Variants in CNTN5 observed in about 807,000 individuals in gnomAD.
The protein encoded by CNTN5 is contactin-5.
A neutral mutation model predicts 129.1 loss-of-function variants in CNTN5; 77 were observed. The ratio of observed to expected loss-of-function variants is 0.60; its 90% confidence interval spans 0.50 to 0.72. The LOEUF is 0.72. CNTN5 is among the 30% of genes least tolerant of loss of function. The pLI, the probability that CNTN5 is intolerant of heterozygous loss-of-function variation, is 0.00. For synonymous variants in CNTN5, 509 were observed against 465.6 expected, an observed-to-expected ratio of 1.09 and a Z score of -1.20; for missense variants, 1,478 against 1,328.8, an observed-to-expected ratio of 1.11 and a Z score of -1.75.
At chr11:100,203,797 C>T (rs937089972) in intron 15 of CNTN5, among the ~76,000 whole-genome samples, 20 of 133,056 alleles carry the variant, frequency 1.5e-4, no homozygotes, top group African/African-American at 3.5e-4. Context: ...TAAATGTGCA[C>T]GTACACACAC....
intron 3 of CNTN5, among the ~76,000 whole-genome samples, chr11:99,593,697 C>T (rs1472450161): frequency 6.6e-6 from 1 of 152,176 alleles, no homozygotes; most frequent in Non-Finnish European, 1.5e-5. Flanking sequence ...TTCTTCCCAT[C>T]AACAAAATCC....
intron 1 of CNTN5, among the ~76,000 whole-genome samples, chr11:99,243,235 T>C (rs1253215570): frequency 1.3e-5 from 2 of 152,174 alleles, no homozygotes; most frequent in Non-Finnish European, 2.9e-5. Flanking sequence ...ATTAGTGATA[T>C]GGAACATTTT....
chr11:99,285,438 C>T (rs118120332), intron 1 of CNTN5, among the ~76,000 whole-genome samples: 1,879 of 152,096 alleles, frequency 0.012, 32 homozygotes, highest in Non-Finnish European at 0.018. Context: ...GAGGAGGGAA[C>T]ATTGATTCAT....
chr11:100,193,994 A>G (rs1422988498), intron 15 of CNTN5, among the ~76,000 whole-genome samples: 1 of 151,982 alleles, frequency 6.6e-6, no homozygotes, highest in East Asian at 1.9e-4. Context: ...AACAGTAATT[A>G]TGATAAAATA....
At chr11:99,787,950 C>T (rs546152313) in intron 3 of CNTN5, among the ~76,000 whole-genome samples, 4 of 151,960 alleles carry the variant, frequency 2.6e-5, no homozygotes, top group Admixed American at 1.3e-4. Flanking sequence ...AATTATAATG[C>T]CATTATAATT....
At chr11:100,245,715 A>G (rs2138694761) in intron 16 of CNTN5, among the ~76,000 whole-genome samples, 1 of 152,252 alleles carries the variant, frequency 6.6e-6, no homozygotes, top group African/African-American at 2.4e-5. Flanking sequence ...TGAACTATGT[A>G]AAGCAGTTTT....
chr11:100,170,031 C>A (rs1947776273), intron 13 of CNTN5, among the ~76,000 whole-genome samples: 1 of 151,956 alleles, frequency 6.6e-6, no homozygotes, highest in Non-Finnish European at 1.5e-5. Context: ...CTTCCCCCAA[C>A]TTTTCTAGAT....
At chr11:99,507,391 A>AAAAAAG (rs1946666649) in intron 2 of CNTN5, among the ~76,000 whole-genome samples, 1 of 151,302 alleles carries the variant, frequency 6.6e-6, no homozygotes, top group African/African-American at 2.4e-5. Flanking sequence ...AAAAAAAAAA[A>AAAAAAG]AAAAGAAAGG....
intron 1 of CNTN5, among the ~76,000 whole-genome samples, chr11:99,294,467 G>C (rs1864299571): frequency 1.3e-5 from 2 of 152,112 alleles, no homozygotes; most frequent in Admixed American, 1.3e-4. Flanking sequence ...CAAAGTAATG[G>C]AAGATCTCTA....
At chr11:99,957,300 T>G (rs967571571) in intron 8 of CNTN5, among the ~76,000 whole-genome samples, 2 of 152,184 alleles carry the variant, frequency 1.3e-5, no homozygotes, top group Non-Finnish European at 2.9e-5. Context: ...CCACAGTTCT[T>G]TCCTTTGCTC....
At chr11:99,208,561 A>T (rs1189220544) in intron 1 of CNTN5, among the ~76,000 whole-genome samples, 1 of 152,110 alleles carries the variant, frequency 6.6e-6, no homozygotes, top group Non-Finnish European at 1.5e-5. Context: ...AAACATTGGA[A>T]AGTAAGCTGT....
At chr11:99,301,132 A>C (rs1008800899) in intron 1 of CNTN5, among the ~76,000 whole-genome samples, 10 of 151,842 alleles carry the variant, frequency 6.6e-5, no homozygotes, top group South Asian at 4.1e-4. Context: ...AAATATTAAA[A>C]GAGAAACACT....
At chr11:99,420,814 A>C (rs1256981303) in intron 2 of CNTN5, among the ~76,000 whole-genome samples, 1 of 152,150 alleles carries the variant, frequency 6.6e-6, no homozygotes, top group Non-Finnish European at 1.5e-5. Flanking sequence ...TTGAAATAAA[A>C]TTTTGATATA....
intron 3 of CNTN5, among the ~76,000 whole-genome samples, chr11:99,625,000 T>C (rs761098225): frequency 1.2e-4 from 18 of 152,318 alleles, no homozygotes; most frequent in South Asian, 4.1e-4. Flanking sequence ...AGATGCTGTT[T>C]TGTTTACCAT....
chr11:99,115,797 G>T (rs910593079), intron 1 of CNTN5, among the ~76,000 whole-genome samples: 1 of 151,764 alleles, frequency 6.6e-6, no homozygotes, highest in Non-Finnish European at 1.5e-5. Context: ...TAAAATACCA[G>T]CACATGAATA....
chr11:99,086,548 C>T (rs1302127322), intron 1 of CNTN5, among the ~76,000 whole-genome samples: 2 of 152,124 alleles, frequency 1.3e-5, no homozygotes, highest in Admixed American at 1.3e-4. Flanking sequence ...CGTGAGCTAA[C>T]TGAAAGAGAA....
At chr11:100,220,124 A>G (rs1360944219) in intron 15 of CNTN5, among the ~76,000 whole-genome samples, 1 of 151,996 alleles carries the variant, frequency 6.6e-6, no homozygotes, top group African/African-American at 2.4e-5. Context: ...AAAAATACAA[A>G]AAATTAGCCG....
At chr11:99,645,262 C>A (rs12804095) in intron 3 of CNTN5, among the ~76,000 whole-genome samples, 589 of 47,486 alleles carry the variant, frequency 0.012, 30 homozygotes, top group Middle Eastern at 0.068. Flanking sequence ...TCCATCTCAA[C>A]AAAAAAAAAA....
At position 100,145,863 on chromosome 11, in the gene CNTN5, G is replaced by A. The variant is rs943403656; in HGVS notation, c.1581-45263G>A. On this transcript the variant is annotated intron_variant, in intron 13 of 24. Transcript: ENST00000524871. The stretch of plus-strand genomic sequence containing the variant: ...GAGAGGACTTAAGGGCTTTTGGTCT[G>A]TAAAAGAGTTCTGTGATCGTCCCCA... Among the ~76,000 whole-genome samples the A allele has an allele frequency of 2.0e-5, 3 of 152,212 alleles. No individual in the cohort carries two copies. In the East Asian group the frequency reaches 5.8e-4, roughly 30 times the overall value.
Sources: allele counts gnomAD v4.1 joint callset (sites outside exome capture counted in the v4.1 genomes callset), GRCh38; gene constraint gnomAD v4.1.1; transcripts MANE v1.5; gene names NCBI Gene and HGNC (gene_info 2026-07-23, HGNC 2026-07-21).